The following PCNX1 variants were observed in gnomAD, a reference collection of about 807,000 sequenced individuals.
The protein encoded by PCNX1 is pecanex 1.
PCNX1 carries 78 observed loss-of-function variants against 242.2 expected under a neutral mutation model. The ratio of observed to expected loss-of-function variants is 0.32; its 90% CI spans 0.27 to 0.39. PCNX1 has a LOEUF of 0.39. Ranked by LOEUF, PCNX1 falls within the 10% of genes least tolerant of loss-of-function variation. PCNX1 has a pLI of 1.00. For missense variants in PCNX1, 2,581 were observed against 2,856.5 expected, an observed-to-expected ratio of 0.90 and a Z score of 2.20; for synonymous variants, 1,024 against 1,032.9, an observed-to-expected ratio of 0.99 and a Z score of 0.17.
At chr14:70,917,535 G>T (rs539344910) in intron 1 of PCNX1, among the ~76,000 whole-genome samples, 1 of 152,302 alleles carries the variant, frequency 6.6e-6, no homozygotes, top group Non-Finnish European at 1.5e-5. Context: ...ATTTTGAAAG[G>T]AATCTTTTTT....
At chr14:70,988,313 G>A (rs981758379) in intron 6 of PCNX1, among the ~76,000 whole-genome samples, 4 of 152,072 alleles carry the variant, frequency 2.6e-5, no homozygotes, top group African/African-American at 9.7e-5. Flanking sequence ...GGAAATTGAG[G>A]TTGAAGAGAA....
At position 71,014,188 on chromosome 14, in the gene PCNX1, T is replaced by G. The variant is rs1444326807; in HGVS notation, c.2996+986T>G. The stretch of plus-strand genomic sequence containing the variant: ...GAATACTCAGGAAGATATTTAAAAG[T>G]GGGGAATAATTACCCCTAGCAGGAG... On this transcript the variant is annotated intron_variant, in intron 11 of 35. Transcript: ENST00000304743. Among the ~76,000 whole-genome samples the G allele has an allele frequency of 6.6e-5, 10 of 152,294 alleles. No individual in the cohort carries two copies. The South Asian group carries it at 1.7e-3, about 25-fold the overall frequency.
At chr14:70,917,522 A>T (rs1380691756) in intron 1 of PCNX1, among the ~76,000 whole-genome samples, 1 of 152,230 alleles carries the variant, frequency 6.6e-6, no homozygotes, top group Non-Finnish European at 1.5e-5. Context: ...AAGGAGCAGT[A>T]GTATTTTGAA....
intron 31 of PCNX1, 82 bp from the exon 32 acceptor site, chr14:71,103,313 A>G (rs925469593): frequency 6.4e-6 from 9 of 1,413,426 alleles, no homozygotes; most frequent in Admixed American, 3.7e-5. Context: ...TATCTTTTGT[A>G]TTCCTCCCAT....
intron 11 of PCNX1, 131 bp from the exon 12 acceptor site, chr14:71,018,878 T>C: frequency 1.5e-6 from 1 of 689,134 alleles, no homozygotes; most frequent in Non-Finnish European, 2.4e-6. Context: ...TAAAACCTTG[T>C]TCAAACTCAG....
intron 16 of PCNX1, 96 bp from the exon 17 acceptor site, chr14:71,033,333 A>C (rs2060442909): frequency 1.6e-6 from 1 of 607,764 alleles, no homozygotes; most frequent in African/African-American, 1.9e-5. Flanking sequence ...GTTGAATTTA[A>C]GTTCGTTGTC....
rs141073740 is a variant in PCNX1, at chr14:71,052,891, C to T, written c.4577+879C>T. ...TTCAGAAAGCGTTCCTAAAAGGGAACGCTTTTAGGAGTTATGAGTTATGGA... is the reference window on the plus strand; with the variant it reads ...TTCAGAAAGCGTTCCTAAAAGGGAATGCTTTTAGGAGTTATGAGTTATGGA... On this transcript the variant is annotated intron_variant, in intron 24 of 35. Coordinates refer to ENST00000304743, the MANE Select transcript of PCNX1 (RefSeq NM_014982.3). Among the ~76,000 whole-genome samples, 847 of 152,190 alleles carry T rather than the reference C, an allele frequency of 5.6e-3. 4 individuals carry two copies. The highest frequency in any genetic ancestry group is 9.2e-3 in the Non-Finnish European group (624 of 68,004).
intron 26 of PCNX1, among the ~76,000 whole-genome samples, chr14:71,070,373 C>T (rs894200470): frequency 2.0e-5 from 3 of 152,208 alleles, no homozygotes; most frequent in Non-Finnish European, 4.4e-5. Context: ...GGGTGAATCC[C>T]TTCCAGGAAG....
intron 3 of PCNX1, among the ~76,000 whole-genome samples, chr14:70,962,689 T>TAA (rs776420673): frequency 4.5e-4 from 68 of 152,154 alleles, no homozygotes; most frequent in Non-Finnish European, 1.2e-4. Context: ...AAAATAAAAA[T>TAA]AAATGCTGAA....
chr14:70,978,222 A>G lies in PCNX1; in HGVS notation c.1885A>G (p.Thr629Ala), dbSNP rs1301232608. Residue 629 changes from threonine (T) to alanine (A), a missense_variant, in exon 6 of 36, where the codon ACT (threonine) becomes GCT (alanine). Transcript: ENST00000304743. ...CAGCAGTGATAGCTCTTCTAGCACC[A>G]CTTCTCATTCCTGTCAGTCTCCTGA... ...QFSSDSSSST[T>A]SHSCQSPEGR... 6.8e-6 allele frequency: 11 copies of G among 1,614,102 alleles called. No individual in the cohort carries two copies. Among genetic ancestry groups the G allele is most frequent in the Admixed American group, 3.3e-5 (2 of 60,030 alleles).
chr14:70,964,658 C>T (rs889697999), intron 3 of PCNX1, among the ~76,000 whole-genome samples: 1 of 152,150 alleles, frequency 6.6e-6, no homozygotes. Flanking sequence ...AAAGGGCCAG[C>T]AGTGGCCAGG....
intron 9 of PCNX1, among the ~76,000 whole-genome samples, chr14:71,010,167 A>G (rs2059783620): frequency 6.6e-6 from 1 of 152,140 alleles, no homozygotes; most frequent in South Asian, 2.1e-4. Flanking sequence ...TTTTAAAACA[A>G]AAGCTATTCT....
In PCNX1 at chr14:71,108,661, G is replaced by C. The variant is rs745757762; in HGVS notation, c.6359G>C (p.Arg2120Pro). Residue 2120 changes from arginine to proline, a missense_variant, in exon 34 of 36, where the codon CGG becomes CCG. Transcript: ENST00000304743. ...GGCCTGGTCAGACAGTCTCCTGCCC[G>C]GGCCTCAGTAGCCAGCCAGTCTTCC... ...QSGLVRQSPA[R>P]ASVASQSSYC... 3.1e-6 allele frequency: 5 copies of C among 1,614,160 alleles called. No individual in the cohort carries two copies. The highest frequency in any genetic ancestry group is 4.2e-6 in the Non-Finnish European group (5 of 1,180,020).
chr14:70,938,864 G>GT (rs2057117911), intron 1 of PCNX1, among the ~76,000 whole-genome samples: 1 of 152,196 alleles, frequency 6.6e-6, no homozygotes, highest in Non-Finnish European at 1.5e-5. Flanking sequence ...TTGGGAGGGT[G>GT]TATGTGTCCA....
At chr14:70,931,953 G>T (rs1024316581) in intron 1 of PCNX1, among the ~76,000 whole-genome samples, 3 of 152,140 alleles carry the variant, frequency 2.0e-5, no homozygotes, top group Admixed American at 1.3e-4. Context: ...GATAAACCCT[G>T]TCTCTACTAA....
intron 30 of PCNX1, among the ~76,000 whole-genome samples, chr14:71,101,602 G>A (rs891165829): frequency 7.2e-5 from 11 of 151,894 alleles, no homozygotes; most frequent in African/African-American, 2.7e-4. Context: ...TAGTTAAGAA[G>A]AAACACAATA....
In PCNX1 at chr14:71,113,775, ACTG is replaced by A. The variant is rs2141948467; in HGVS notation, c.*3844_*3846del. The A allele has an allele frequency of 6.6e-6, 1 of 152,262 alleles. No homozygotes were observed. Among genetic ancestry groups the A allele is most frequent in the East Asian group, 1.9e-4 (1 of 5,192 alleles). 9.4% of individuals were successfully genotyped at this position (152,262 alleles called of 1,614,324 possible). ...ATATTTACTAGCTACTTAACCATAA[ACTG>A]CTGTCCAGATTGTTAATTTCATTTA... On this transcript the variant is annotated 3_prime_UTR_variant, in exon 36 of 36. Coordinates refer to ENST00000304743, the MANE Select transcript of PCNX1 (RefSeq NM_014982.3).
At chr14:71,069,233 G>C (rs773402999) in intron 26 of PCNX1, among the ~76,000 whole-genome samples, 1 of 152,106 alleles carries the variant, frequency 6.6e-6, no homozygotes, top group Non-Finnish European at 1.5e-5. Context: ...CACAATTATG[G>C]AATTATGGGA....
chr14:70,967,912 T>G (rs2058429041), intron 3 of PCNX1, among the ~76,000 whole-genome samples: 1 of 152,080 alleles, frequency 6.6e-6, no homozygotes, highest in Non-Finnish European at 1.5e-5. Flanking sequence ...ATGACATGAG[T>G]TGCTTGAGAT....
Sources: allele counts gnomAD v4.1 joint callset (sites outside exome capture counted in the v4.1 genomes callset), GRCh38; gene constraint gnomAD v4.1.1; transcripts MANE v1.5; gene names NCBI Gene and HGNC (gene_info 2026-07-23, HGNC 2026-07-21).